The following TBX18 variants were observed in gnomAD, a reference collection of about 807,000 sequenced individuals.
TBX18 encodes the protein T-box transcription factor TBX18.
A neutral mutation model predicts 55.0 loss-of-function variants in TBX18; 21 were observed. That is an observed-to-expected ratio of 0.38 (90% CI 0.27 to 0.55). TBX18 has a LOEUF of 0.55. Among genes scored for constraint, TBX18 ranks in the 20% least tolerant of loss-of-function variants. TBX18 has a pLI of 0.73. For synonymous variants in TBX18, 342 were observed against 326.1 expected, an observed-to-expected ratio of 1.05 and a Z score of -0.53; for missense variants, 840 against 799.6, an observed-to-expected ratio of 1.05 and a Z score of -0.61.
At chr6:84,738,434 T>TA in intron 7 of TBX18, 63 bp downstream of exon 7, 1 of 1,233,044 alleles carries the variant, frequency 8.1e-7, no homozygotes, top group Non-Finnish European at 1.2e-6. Context: ...TGTACACTTT[T>TA]AGTGCCTGAG....
rs2127882700 is a variant in TBX18, at chr6:84,762,758, A to G, written c.293-10T>C. 1.3e-6 allele frequency: 2 copies of G among 1,586,994 alleles called. No homozygotes were observed. Among genetic ancestry groups the G allele is most frequent in the Middle Eastern group, 4.5e-4 (2 of 4,448 alleles). Reference sequence around the variant, plus strand: ...CCGTCCTCACAGCCGCCTGGACAGCAAAGGACAGAGAAAGGGAACTGGTGA... The same window carrying G: ...CCGTCCTCACAGCCGCCTGGACAGCGAAGGACAGAGAAAGGGAACTGGTGA... On this transcript the variant is annotated splice_polypyrimidine_tract_variant and intron_variant, in intron 1 of 7. Transcript: ENST00000369663.
chr6:84,747,072 A>T (rs922027695), intron 5 of TBX18, among the ~76,000 whole-genome samples: 1 of 152,098 alleles, frequency 6.6e-6, no homozygotes. Flanking sequence ...AAGAAGCTTT[A>T]TAACAACAGA....
At chr6:84,762,853 A>G in intron 1 of TBX18, 105 bp from the exon 2 acceptor site, 1 of 1,092,336 alleles carries the variant, frequency 9.2e-7, no homozygotes, top group Non-Finnish European at 1.4e-6. Flanking sequence ...AATGACCGGG[A>G]GAAAAGGGGA....
At chr6:84,762,904 C>A in intron 1 of TBX18, 156 bp from the exon 2 acceptor site, 3 of 679,890 alleles carry the variant, frequency 4.4e-6, no homozygotes, top group South Asian at 1.8e-5. Flanking sequence ...ACAAGCCAGT[C>A]GATAGACACC....
Position 84,748,021 on chromosome 6 carries a change from C to G in TBX18, c.838G>C (p.Asp280His). The change falls in exon 5 of 8, where the codon GAT (aspartate) becomes CAT (histidine). Residue 280 changes from aspartate (D) to histidine (H), a missense_variant. By Grantham distance (81) the Asp-to-His change is moderately conservative. Coordinates refer to ENST00000369663, the MANE Select transcript of TBX18 (RefSeq NM_001080508.3). Reference sequence around the variant, plus strand: ...GGAACAGGCTTGATGGGAGAAAGATCGTCTCCACAGTCTTTACGGATGACG... The same window carrying G: ...GGAACAGGCTTGATGGGAGAAAGATGGTCTCCACAGTCTTTACGGATGACG... ...VHVIRKDCGD[D>H]LSPIKPVPSG... 6.2e-7 allele frequency: 1 copy of G among 1,613,368 alleles called. No homozygotes were observed.
intron 4 of TBX18, among the ~76,000 whole-genome samples, chr6:84,752,723 T>C (rs996242285): frequency 6.6e-6 from 1 of 152,124 alleles, no homozygotes. Context: ...CCCTATAACT[T>C]GCTGCTTCCA....
In TBX18 at chr6:84,736,182, A is replaced by T. The variant is rs1773934728; in HGVS notation, c.*503T>A. The T allele has an allele frequency of 6.5e-6, 1 of 152,682 alleles. No individual in the cohort carries two copies. The highest frequency in any genetic ancestry group is 1.5e-5 in the Non-Finnish European group (1 of 68,070). The allele number at this position is 152,682 out of a possible 1,614,324, so 9.5% of individuals were successfully genotyped here. On this transcript the variant is annotated 3_prime_UTR_variant, in exon 8 of 8. Transcript: ENST00000369663. Reference sequence around the variant, plus strand: ...TGATTACAAATACCTCAGGACTAACACTAAGACTTCAACTGGCTTTTGTAT... The same window carrying T: ...TGATTACAAATACCTCAGGACTAACTCTAAGACTTCAACTGGCTTTTGTAT...
intron 3 of TBX18, among the ~76,000 whole-genome samples, chr6:84,758,737 A>T (rs1417446142): frequency 6.6e-6 from 1 of 152,242 alleles, no homozygotes; most frequent in Non-Finnish European, 1.5e-5. Flanking sequence ...TTGAATAGTC[A>T]AAACTCCACA....
chr6:84,753,654 A>G (rs573267751), intron 4 of TBX18, among the ~76,000 whole-genome samples: 2 of 152,234 alleles, frequency 1.3e-5, no homozygotes, highest in African/African-American at 4.8e-5. Flanking sequence ...AAGTCCTACT[A>G]TAACAATACT....
Position 84,737,000 on chromosome 6 carries a change from G to A in TBX18, c.1509C>T (p.Pro503=), listed in dbSNP as rs942753008. The A allele has an allele frequency of 3.1e-6, 5 of 1,613,098 alleles. No individual in the cohort carries two copies. In the African/African-American group the frequency reaches 6.7e-5, roughly 22 times the overall value. Residue 503 remains proline, a synonymous_variant, in exon 8 of 8, where the codon CCC becomes CCT. Transcript: ENST00000369663. ...SPQLQYIMPS[P]SSNAFATNQT... ...GGTTAGTGGCGAAGGCATTGCTGGA[G>A]GGTGATGGCATGATATACTGGAGCT...
intron 6 of TBX18, among the ~76,000 whole-genome samples, chr6:84,743,005 A>T (rs980262892): frequency 4.6e-5 from 7 of 152,174 alleles, no homozygotes; most frequent in Non-Finnish European, 1.0e-4. Context: ...ACAAAACAAA[A>T]GACAAGCAAT....
rs374577704 is a variant in TBX18, at chr6:84,737,074, T to C, written c.1435A>G (p.Ser479Gly). The C allele has an allele frequency of 3.5e-5, 57 of 1,614,068 alleles. No homozygotes were observed. Among genetic ancestry groups the C allele is most frequent in the Non-Finnish European group, 4.6e-5 (54 of 1,180,028 alleles). ...SMGGTDGDTF[S>G]CPQTSLSMQI... The stretch of plus-strand genomic sequence containing the variant: ...ATGGATAAGCTGGTCTGTGGGCAGC[T>C]GAAGGTGTCCCCATCAGTGCCACCC... Residue 479 changes from serine to glycine, a missense_variant, in exon 8 of 8, where the codon AGC becomes GGC. Coordinates refer to ENST00000369663, the MANE Select transcript of TBX18 (RefSeq NM_001080508.3).
At position 84,744,243 on chromosome 6, in the gene TBX18, G is replaced by A. The variant is rs1305706564; in HGVS notation, c.1004+18C>T. 2.6e-5 allele frequency: 42 copies of A among 1,603,212 alleles called. No individual in the cohort carries two copies. Among genetic ancestry groups the A allele is most frequent in the Non-Finnish European group, 3.4e-5 (40 of 1,173,442 alleles). On this transcript the variant is annotated intron_variant, in intron 6 of 7. Transcript: ENST00000369663. ...AAATATATTTATCATAACCGGAATG[G>A]TCTTCACTAAGGCCCACCTGTTGCG...
At chr6:84,760,389 G>C (rs776575177) in intron 2 of TBX18, 33 bp from the exon 3 acceptor site, 4 of 1,526,090 alleles carry the variant, frequency 2.6e-6, no homozygotes, top group East Asian at 2.3e-5. Context: ...AGAGGGTTTG[G>C]GGTTTTTGTT....
chr6:84,733,033 C>T lies in TBX18; in HGVS notation c.*3652G>A, dbSNP rs1773845687. 1 of 152,062 alleles carries T rather than the reference C, an allele frequency of 6.6e-6. No homozygotes were observed. The highest frequency in any genetic ancestry group is 2.4e-5 in the African/African-American group (1 of 41,422). 9.4% of individuals were successfully genotyped at this position (152,062 alleles called of 1,614,324 possible). ...AGCAGCTAATTTTTTTACCCAAAAT[C>T]ATGATTGAGAAATCCATAGTCTCAA... is the stretch of plus-strand genomic sequence containing the variant. On this transcript the variant is annotated 3_prime_UTR_variant, in exon 8 of 8. Coordinates refer to ENST00000369663, the MANE Select transcript of TBX18 (RefSeq NM_001080508.3).
chr6:84,745,334 A>C (rs1767153904), intron 5 of TBX18, among the ~76,000 whole-genome samples: 1 of 152,118 alleles, frequency 6.6e-6, no homozygotes, highest in African/African-American at 2.4e-5. Context: ...AGGAATTTAC[A>C]GCCTATTTTC....
At chr6:84,757,602 G>GA (rs1248636667) in intron 3 of TBX18, among the ~76,000 whole-genome samples, 2 of 151,872 alleles carry the variant, frequency 1.3e-5, no homozygotes, top group African/African-American at 4.8e-5. Context: ...AATAAACTTT[G>GA]AAAATAATGG....
At chr6:84,745,158 G>T (rs1371165033) in intron 5 of TBX18, among the ~76,000 whole-genome samples, 1 of 152,040 alleles carries the variant, frequency 6.6e-6, no homozygotes, top group Non-Finnish European at 1.5e-5. Context: ...CTAATTTGTT[G>T]ACTCATAACC....
intron 4 of TBX18, among the ~76,000 whole-genome samples, chr6:84,749,709 T>C (rs858736): frequency 0.88 from 133,904 of 151,982 alleles, 59,174 homozygotes; most frequent in South Asian, 0.96. Context: ...TTTCTCTTTG[T>C]TCTATGTAAA....
Sources: gnomAD v4.1 joint callset for allele counts (sites outside exome capture counted in the v4.1 genomes callset) on GRCh38, gnomAD v4.1.1 for gene constraint, MANE v1.5 for transcripts, NCBI Gene and HGNC (gene_info 2026-07-23, HGNC 2026-07-21) for gene names.